Variants in MINK1 observed in about 807,000 individuals in gnomAD.
MINK1 encodes misshapen-like kinase 1.
MINK1 carries 46 observed loss-of-function variants against 178.4 expected under a neutral mutation model. That is an observed-to-expected ratio of 0.26 (90% confidence interval 0.20 to 0.33). The LOEUF (loss-of-function observed/expected upper bound fraction) is 0.33, where lower values mean the gene tolerates loss of function less well. Ranked by LOEUF, MINK1 falls within the 10% of genes least tolerant of loss-of-function variation. The pLI is 1.00. For synonymous variants in MINK1, 797 were observed against 709.7 expected (o/e 1.12, Z -1.96); for missense variants, 1,366 against 1,814.9 (o/e 0.75, Z 4.49).
chr17:4,844,531 C>G (rs745840265), intron 1 of MINK1: 1 of 498,680 alleles, frequency 2.0e-6, no homozygotes, highest in African/African-American at 1.9e-5. Flanking sequence ...ACCTTTTATT[C>G]GTATACCTGG....
chr17:4,864,228 C>T (rs1336408256), intron 1 of MINK1, among the ~76,000 whole-genome samples: 27 of 150,844 alleles, frequency 1.8e-4, no homozygotes, highest in Admixed American at 1.1e-3. Flanking sequence ...GGAGAAACCC[C>T]GTCTCTACTA....
In MINK1 at chr17:4,894,311, C is replaced by T. The variant is rs200108308; in HGVS notation, c.2808C>T (p.Asp936=). 2.7e-4 allele frequency: 434 copies of T among 1,611,252 alleles called. No individual in the cohort carries two copies. Among genetic ancestry groups the T allele is most frequent in the Non-Finnish European group, 3.5e-4 (408 of 1,179,296 alleles). ...CACCCTCGAAGGATGGGAGTGGTGA[C>T]GTAAGTGGGCCGGAGGCAGGTCCGC... is the stretch of plus-strand genomic sequence containing the variant. The part of the protein sequence containing the change: ...QSPPSKDGSG[D]YQSRGLVKAP... Residue 936 remains aspartate (D), a splice_region_variant and synonymous_variant, in exon 23 of 32, where the codon GAC becomes GAT. Coordinates refer to ENST00000355280, the MANE Select transcript of MINK1 (RefSeq NM_153827.5). This position sits in a 1 kb window ranked among gnomAD's most constrained non-coding sequence, Gnocchi z 4.1.
In MINK1 at chr17:4,891,601, C is replaced by T. The variant is rs188278508; in HGVS notation, c.1886C>T (p.Thr629Met). The T allele has an allele frequency of 2.1e-5, 33 of 1,604,064 alleles. No homozygotes were observed. The Admixed American group carries it at 2.2e-4, about 11-fold the overall frequency. ...CCTGCCATCCCCGCACCCACTGCCA[C>T]GCCCAGTGCCCGAGGAGCTGTCATC... is the stretch of plus-strand genomic sequence containing the variant. ...PDPAIPAPTA[T>M]PSARGAVIRQ... The change falls in exon 16 of 32, where the codon ACG becomes ATG. Residue 629 changes from threonine to methionine, a missense_variant. By Grantham distance (81) the Thr-to-Met change is moderately conservative (BLOSUM62 -1). Around this residue, in one of 14 missense-constraint regions of MINK1, gnomAD observed 709 missense variants for 692.3 expected, o/e 1.02. Transcript: ENST00000355280.
chr17:4,875,495 G>A (rs1012829744), intron 1 of MINK1: 40 of 453,682 alleles, frequency 8.8e-5, no homozygotes, highest in East Asian at 4.2e-4. Context: ...AAATGAGGCC[G>A]TGCGCAGTGG....
At chr17:4,891,329 T>C in intron 15 of MINK1, 127 bp from the exon 16 acceptor site, 4 of 1,350,408 alleles carry the variant, frequency 3.0e-6, no homozygotes, top group Non-Finnish European at 4.0e-6. Context: ...GTCATCAGGC[T>C]CAAGGAACCC....
intron 2 of MINK1, 135 bp downstream of exon 2, chr17:4,878,517 T>G (rs1597500565): frequency 1.3e-6 from 1 of 776,446 alleles, no homozygotes; most frequent in Non-Finnish European, 2.1e-6. Flanking sequence ...CCTGGAAAGG[T>G]AGAGTGGGGG....
At chr17:4,876,219 C>T (rs1158061102) in intron 1 of MINK1, among the ~76,000 whole-genome samples, 1 of 152,206 alleles carries the variant, frequency 6.6e-6, no homozygotes, top group African/African-American at 2.4e-5. Flanking sequence ...GCTGTCAATA[C>T]TTCCTCCCGA....
intron 1 of MINK1, among the ~76,000 whole-genome samples, chr17:4,860,278 T>C (rs2150879400): frequency 6.6e-6 from 1 of 152,292 alleles, no homozygotes; most frequent in Middle Eastern, 3.4e-3. Flanking sequence ...GATTCCACCA[T>C]GAGTCCAGGC....
intron 1 of MINK1, among the ~76,000 whole-genome samples, chr17:4,840,567 A>C (rs1910061409): frequency 6.6e-6 from 1 of 152,074 alleles, no homozygotes; most frequent in African/African-American, 2.4e-5. Flanking sequence ...CCTAGATGTT[A>C]TTAGCCTAAG....
intron 1 of MINK1, chr17:4,875,421 G>A (rs908649936): frequency 2.2e-6 from 1 of 450,346 alleles, no homozygotes; most frequent in Admixed American, 2.4e-5. Flanking sequence ...GCTACAGTGA[G>A]CTGTGATCAT....
chr17:4,867,075 A>AAT (rs1555533517), intron 1 of MINK1, among the ~76,000 whole-genome samples: 1 of 3,612 alleles, frequency 2.8e-4, no homozygotes, highest in East Asian at 4.5e-3. Context: ...CTCGTCTCAA[A>AAT]ATAATAATAA....
intron 1 of MINK1, among the ~76,000 whole-genome samples, chr17:4,876,098 ATTT>A (rs561338282): frequency 1.3e-5 from 2 of 150,392 alleles, no homozygotes; most frequent in Non-Finnish European, 3.0e-5. Context: ...CCCGGCCAAG[ATTT>A]TTTTTTTCGT....
chr17:4,874,620 GGGA>G (rs1393059834), intron 1 of MINK1, among the ~76,000 whole-genome samples: 2 of 152,080 alleles, frequency 1.3e-5, no homozygotes, highest in African/African-American at 2.4e-5. Context: ...ATACAGGAAA[GGGA>G]GGAGGAGGAG....
chr17:4,881,309 G>A, intron 4 of MINK1, 52 bp downstream of exon 4: 1 of 1,522,758 alleles, frequency 6.6e-7, no homozygotes, highest in South Asian at 1.2e-5. Context: ...CTGTCTCCGG[G>A]CTGTTCACTA....
intron 1 of MINK1, among the ~76,000 whole-genome samples, chr17:4,862,329 T>A (rs1216893554): frequency 6.6e-6 from 1 of 152,182 alleles, no homozygotes; most frequent in Admixed American, 6.5e-5. Flanking sequence ...AATAATAATA[T>A]CTACCTCATG....
chr17:4,876,514 C>G (rs896842745), intron 1 of MINK1, among the ~76,000 whole-genome samples: 25 of 152,284 alleles, frequency 1.6e-4, no homozygotes, highest in African/African-American at 6.0e-4. Flanking sequence ...CCCAAGTCGT[C>G]TTCCTTGGGC....
In MINK1 at chr17:4,893,585, C is replaced by G; in HGVS notation, c.2552C>G (p.Thr851Ser). The G allele has an allele frequency of 6.5e-7, 1 of 1,542,212 alleles. No individual in the cohort carries two copies. The highest frequency in any genetic ancestry group is 8.8e-7 in the Non-Finnish European group (1 of 1,141,184). ...GGGCCAGCAGAGGGGAGCAGAGATA[C>G]CCCTGGGGGCCGGTACGGCATCGGG... ...EGGPAEGSRDTPGGRSDGDTD... is the reference protein window; with the variant it reads ...EGGPAEGSRDSPGGRSDGDTD... Residue 851 changes from threonine to serine, a missense_variant, in exon 21 of 32, where the codon ACC becomes AGC. Transcript: ENST00000355280.
At chr17:4,871,815 C>A (rs1915890796) in intron 1 of MINK1, among the ~76,000 whole-genome samples, 1 of 152,152 alleles carries the variant, frequency 6.6e-6, no homozygotes, top group Admixed American at 6.5e-5. Flanking sequence ...TTCAGTTTCT[C>A]CATGCCCTCA....
rs563695047 is a variant in MINK1 at position 4,896,937 on chromosome 17, C to T, written c.3915+124C>T. The T allele has an allele frequency of 5.5e-5, 73 of 1,336,216 alleles. No homozygotes were observed. Among genetic ancestry groups the T allele is most frequent in the Middle Eastern group, 2.2e-4 (1 of 4,562 alleles). 82.8% of individuals were successfully genotyped at this position (1,336,216 alleles called of 1,614,324 possible). On this transcript the variant is annotated intron_variant, in intron 31 of 31. Transcript: ENST00000355280. The surrounding 1 kb of genome is among the most constrained non-coding windows in gnomAD (Gnocchi z 4.6). ...CTGAAAGCGGGCCCCTCTGGGAGCT[C>T]AGAGGGCAGTCAGCCACTACCACTG...
Sources: allele counts gnomAD v4.1 joint callset (sites outside exome capture counted in the v4.1 genomes callset), GRCh38; gene constraint gnomAD v4.1.1; regional missense constraint gnomAD v4.1.1; non-coding constraint Gnocchi (gnomAD v3.1); transcripts MANE v1.5; gene names NCBI Gene and HGNC (gene_info 2026-07-23, HGNC 2026-07-21).